Variants in CADPS2 observed in about 807,000 individuals in gnomAD.
CADPS2 encodes the protein calcium dependent secretion activator 2.
CADPS2 carries 93 observed loss-of-function variants against 172.5 expected under a neutral mutation model. The observed-to-expected ratio is 0.54, with a 90% CI of 0.46 to 0.64. CADPS2 has a LOEUF of 0.64. CADPS2 is among the 30% of genes least tolerant of loss of function. The pLI is 0.00. For missense variants in CADPS2, 1,420 were observed against 1,565.9 expected (o/e 0.91, Z 1.57); for synonymous variants, 546 against 555.2 (o/e 0.98, Z 0.23).
intron 1 of CADPS2, among the ~76,000 whole-genome samples, chr7:122,837,788 T>C (rs1316246443): frequency 6.6e-6 from 1 of 152,138 alleles, no homozygotes; most frequent in Non-Finnish European, 1.5e-5. Context: ...CAATAATTAA[T>C]AGCCTACCAA....
Position 122,416,090 on chromosome 7 carries a change from A to G in CADPS2, c.2551T>C (p.Leu851=). The G allele has an allele frequency of 6.5e-7, 1 of 1,545,188 alleles. No homozygotes were observed. Among genetic ancestry groups the G allele is most frequent in the African/African-American group, 1.4e-5 (1 of 73,698 alleles). The change falls in exon 18 of 30, where the codon TTA becomes CTA. Residue 851 remains leucine (L), a synonymous_variant. Transcript: ENST00000449022. ...LHLAELCIEV[L]QQNEEHHAEG... is the part of the protein sequence containing the mutation. ...GCATGATGCTCTTCATTCTGCTGTA[A>G]GACTTCTATGCAGAGCTCTGCCAGA... is the stretch of plus-strand genomic sequence containing the variant.
chr7:122,800,295 T>C (rs1456370260), intron 1 of CADPS2, among the ~76,000 whole-genome samples: 1 of 152,210 alleles, frequency 6.6e-6, no homozygotes, highest in Non-Finnish European at 1.5e-5. Context: ...CTCCTTCAGA[T>C]TTCTCAAAAT....
chr7:122,698,970 T>TAG, intron 2 of CADPS2: 1 of 1,258,692 alleles, frequency 7.9e-7, no homozygotes, highest in Non-Finnish European at 1.1e-6. Context: ...GCACATCTGT[T>TAG]GACAATTAAT....
chr7:122,818,085 T>C (rs1188213719), intron 1 of CADPS2, among the ~76,000 whole-genome samples: 6 of 151,798 alleles, frequency 4.0e-5, no homozygotes, highest in African/African-American at 1.4e-4. Flanking sequence ...CAACCCCTTT[T>C]CCTACTTTTC....
intron 28 of CADPS2, among the ~76,000 whole-genome samples, chr7:122,329,819 T>C (rs2034599013): frequency 1.3e-5 from 2 of 152,184 alleles, no homozygotes; most frequent in Non-Finnish European, 2.9e-5. Flanking sequence ...CTGATATTCC[T>C]AAATCTGAAT....
At chr7:122,488,171 C>T (rs984308071) in intron 11 of CADPS2, among the ~76,000 whole-genome samples, 2 of 152,046 alleles carry the variant, frequency 1.3e-5, no homozygotes, top group African/African-American at 2.4e-5. Flanking sequence ...AATAGATCAG[C>T]TGGATGGAAG....
chr7:122,818,252 C>G (rs538322715), intron 1 of CADPS2, among the ~76,000 whole-genome samples: 48 of 152,090 alleles, frequency 3.2e-4, no homozygotes, highest in Non-Finnish European at 5.0e-4. Flanking sequence ...TCAACTCACA[C>G]CTGACCTAAA....
rs77929503 is a variant in CADPS2, at chr7:122,702,807, G to C, written c.453+34148C>G. 5.2e-4 allele frequency: 675 copies of C among 1,299,242 alleles called. 5 individuals are homozygous for C. In the East Asian group the frequency reaches 0.011, roughly 22 times the overall value. The allele number at this position is 1,299,242 out of a possible 1,614,324, so 80.5% of individuals were successfully genotyped here. A position where few individuals can be genotyped will look rare whatever the true frequency, so the allele number is the denominator to read the frequency against. ...AGAAAACAAAACAACATCAGTTGTAGAAGAACATAAAGAAGATAGCTTGTT... is the reference window on the plus strand; with the variant it reads ...AGAAAACAAAACAACATCAGTTGTACAAGAACATAAAGAAGATAGCTTGTT... On this transcript the variant is annotated intron_variant, in intron 2 of 29. Transcript: ENST00000449022.
At chr7:122,720,481 T>C (rs1438711808) in intron 2 of CADPS2, among the ~76,000 whole-genome samples, 1 of 151,094 alleles carries the variant, frequency 6.6e-6, no homozygotes, top group Admixed American at 6.7e-5. Flanking sequence ...TATGTATGTA[T>C]GTATATATGT....
intron 20 of CADPS2, among the ~76,000 whole-genome samples, chr7:122,396,427 G>T (rs1017870362): frequency 1.2e-4 from 19 of 152,010 alleles, no homozygotes; most frequent in Admixed American, 5.9e-4. Flanking sequence ...TATTTCCTCT[G>T]CCAATCCATC....
intron 8 of CADPS2, among the ~76,000 whole-genome samples, chr7:122,517,567 A>G (rs1172159058): frequency 1.3e-5 from 2 of 152,114 alleles, no homozygotes; most frequent in Non-Finnish European, 2.9e-5. Context: ...GAAGGTTACC[A>G]TTATTAAATA....
chr7:122,833,699 A>C (rs549512399), intron 1 of CADPS2, among the ~76,000 whole-genome samples: 18 of 152,196 alleles, frequency 1.2e-4, no homozygotes, highest in African/African-American at 4.1e-4. Context: ...CCTGGCCTTT[A>C]TGTTTAAATA....
intron 2 of CADPS2, among the ~76,000 whole-genome samples, chr7:122,672,679 G>C (rs1335757555): frequency 6.6e-6 from 1 of 152,156 alleles, no homozygotes; most frequent in Non-Finnish European, 1.5e-5. Context: ...ACCCCAGCCT[G>C]GGTGCACCTT....
intron 2 of CADPS2, among the ~76,000 whole-genome samples, chr7:122,687,175 C>A (rs1258355189): frequency 6.6e-6 from 1 of 152,176 alleles, no homozygotes; most frequent in Non-Finnish European, 1.5e-5. Flanking sequence ...AACATCCATT[C>A]CTACAGCTCA....
At chr7:122,862,342 A>G (rs2141308641) in intron 1 of CADPS2, among the ~76,000 whole-genome samples, 1 of 152,304 alleles carries the variant, frequency 6.6e-6, no homozygotes, top group South Asian at 2.1e-4. Context: ...TTTGCTTTTC[A>G]GATTCTCTTT....
intron 27 of CADPS2, among the ~76,000 whole-genome samples, chr7:122,350,164 G>C (rs1219249000): frequency 6.6e-6 from 1 of 152,098 alleles, no homozygotes; most frequent in Non-Finnish European, 1.5e-5. Context: ...TGAAATACCT[G>C]TGTCTGGCCA....
intron 1 of CADPS2, among the ~76,000 whole-genome samples, chr7:122,811,806 A>G (rs1800082266): frequency 6.6e-6 from 1 of 152,160 alleles, no homozygotes; most frequent in African/African-American, 2.4e-5. Context: ...TCCCAGATAA[A>G]AGTGGCTTCT....
chr7:122,357,674 T>C (rs976597150), intron 27 of CADPS2, among the ~76,000 whole-genome samples: 5 of 152,160 alleles, frequency 3.3e-5, no homozygotes, highest in Admixed American at 2.0e-4. Flanking sequence ...CAACCACTAA[T>C]CTGTTTATAG....
At chr7:122,821,600 G>A (rs1051250699) in intron 1 of CADPS2, among the ~76,000 whole-genome samples, 4 of 152,174 alleles carry the variant, frequency 2.6e-5, no homozygotes, top group South Asian at 2.1e-4. Flanking sequence ...CATTTCTTCC[G>A]TTCTGTCAGA....
Sources: allele counts gnomAD v4.1 joint callset (sites outside exome capture counted in the v4.1 genomes callset), GRCh38; gene constraint gnomAD v4.1.1; transcripts MANE v1.5; gene names NCBI Gene and HGNC (gene_info 2026-07-23, HGNC 2026-07-21).